Variants in NKAIN3 observed in about 807,000 individuals in gnomAD.
NKAIN3 encodes sodium/potassium transporting ATPase interacting 3.
In NKAIN3, 25 loss-of-function variants were observed where a neutral mutation model predicts 30.2. The ratio of observed to expected loss-of-function variants is 0.83; its 90% confidence interval spans 0.60 to 1.16. NKAIN3 has a LOEUF of 1.16. NKAIN3 is among the 50% of genes most tolerant of loss of function. NKAIN3 has a pLI of 0.00. For missense variants in NKAIN3, 225 were observed against 254.1 expected (o/e 0.89, Z 0.78); for synonymous variants, 91 against 89.6 (o/e 1.02, Z -0.09).
chr8:62,935,663 C>T (rs915887873), intron 5 of NKAIN3, among the ~76,000 whole-genome samples: 2 of 151,932 alleles, frequency 1.3e-5, no homozygotes, highest in African/African-American at 2.4e-5. Context: ...GAAAGAGAGA[C>T]GTTAGTCACT....
chr8:62,424,656 G>T (rs967035464), intron 1 of NKAIN3, among the ~76,000 whole-genome samples: 3 of 151,718 alleles, frequency 2.0e-5, no homozygotes, highest in African/African-American at 7.2e-5. Context: ...AACATAACAA[G>T]TATTTAAAAG....
intron 4 of NKAIN3, among the ~76,000 whole-genome samples, chr8:62,907,988 C>G (rs552471482): frequency 3.3e-5 from 5 of 152,280 alleles, no homozygotes; most frequent in Admixed American, 1.3e-4. Flanking sequence ...TACCATGGAC[C>G]TGGAAAAGCC....
At chr8:62,281,435 T>C (rs1325665335) in intron 1 of NKAIN3, among the ~76,000 whole-genome samples, 2 of 152,198 alleles carry the variant, frequency 1.3e-5, no homozygotes, top group East Asian at 3.8e-4. Flanking sequence ...ATGTGTTTGC[T>C]CTTGCTTCTC....
chr8:62,784,288 A>C (rs1817447376), intron 4 of NKAIN3, among the ~76,000 whole-genome samples: 2 of 152,110 alleles, frequency 1.3e-5, no homozygotes, highest in Admixed American at 1.3e-4. Flanking sequence ...GTAAAGCAAA[A>C]ACTAATAAAA....
intron 5 of NKAIN3, chr8:62,990,176 G>T: frequency 7.5e-7 from 1 of 1,335,382 alleles, no homozygotes; most frequent in Non-Finnish European, 1.1e-6. Flanking sequence ...AGATTCATGT[G>T]ATCTGCAAGT....
intron 1 of NKAIN3, among the ~76,000 whole-genome samples, chr8:62,391,863 T>C (rs1005470193): frequency 1.3e-5 from 2 of 151,748 alleles, no homozygotes; most frequent in African/African-American, 4.8e-5. Flanking sequence ...ATTTAGGAAA[T>C]ATACAGAGCA....
intron 4 of NKAIN3, among the ~76,000 whole-genome samples, chr8:62,821,963 C>A (rs1332055870): frequency 6.6e-6 from 1 of 151,284 alleles, no homozygotes; most frequent in Non-Finnish European, 1.5e-5. Context: ...GTTCCTATAG[C>A]CTTGCTACGG....
intron 2 of NKAIN3, among the ~76,000 whole-genome samples, chr8:62,580,220 T>C (rs909417587): frequency 3.9e-5 from 6 of 152,194 alleles, no homozygotes; most frequent in African/African-American, 1.4e-4. Context: ...ATTTCTCTGT[T>C]TGTCAAGATG....
intron 1 of NKAIN3, among the ~76,000 whole-genome samples, chr8:62,337,061 AGGGTGTCTCTGCAT>A (rs1351374432): frequency 1.3e-5 from 2 of 152,026 alleles, no homozygotes; most frequent in Non-Finnish European, 2.9e-5. Context: ...CGGTAGTTGC[AGGGTGTCTCTGCAT>A]GGTTTCTCCA....
At chr8:62,339,071 T>C (rs191333504) in intron 1 of NKAIN3, among the ~76,000 whole-genome samples, 1 of 152,026 alleles carries the variant, frequency 6.6e-6, no homozygotes, top group East Asian at 1.9e-4. Context: ...ATCTAAAGAA[T>C]AAGAAGGAGA....
intron 1 of NKAIN3, among the ~76,000 whole-genome samples, chr8:62,530,038 C>T (rs1808439266): frequency 6.6e-6 from 1 of 152,034 alleles, no homozygotes; most frequent in South Asian, 2.1e-4. Context: ...TGTACACACC[C>T]AATTCAAAAA....
intron 1 of NKAIN3, among the ~76,000 whole-genome samples, chr8:62,372,975 A>G (rs1225694258): frequency 6.6e-6 from 1 of 152,182 alleles, no homozygotes; most frequent in African/African-American, 2.4e-5. Flanking sequence ...AATTCTGCAA[A>G]GCAACTTTGC....
intron 1 of NKAIN3, among the ~76,000 whole-genome samples, chr8:62,522,467 TAAAAA>T (rs1007951640): frequency 1.3e-5 from 2 of 151,200 alleles, no homozygotes; most frequent in African/African-American, 2.4e-5. Context: ...CTCTAATTAT[TAAAAA>T]AAAAGTAAGT....
In NKAIN3 at chr8:62,972,880, A is replaced by G. The variant is rs4256586; in HGVS notation, c.*7473A>G. On this transcript the variant is annotated 3_prime_UTR_variant, in exon 7 of 7. Transcript: ENST00000623646. ...GTGATGTTCCCCTCCCTGTGCCCAT[A>G]TGTTCTCATTGTTCAACTCCCACTT... 0.076 allele frequency among the ~76,000 whole-genome samples: 10,860 copies of G among 142,722 alleles called. 501 individuals carry two copies. The highest frequency in any genetic ancestry group is 0.11 in the South Asian group (480 of 4,268). The allele number at this position is 142,722 out of a possible 152,430, so 93.6% of individuals were successfully genotyped here.
chr8:62,369,358 A>T (rs13251935), intron 1 of NKAIN3, among the ~76,000 whole-genome samples: 1 of 151,800 alleles, frequency 6.6e-6, no homozygotes, highest in Non-Finnish European at 1.5e-5. Flanking sequence ...TAACAGGTTT[A>T]ATATTTGTTT....
chr8:62,845,431 C>A lies in NKAIN3; in HGVS notation c.472-73022C>A, dbSNP rs1182174180. ...AGAGACTAGGGACTTCTTTAGCTCA[C>A]TTGTCGCCACCATCCCACAGGACCT... On this transcript the variant is annotated intron_variant, in intron 4 of 6. Coordinates refer to ENST00000623646, the MANE Select transcript of NKAIN3 (RefSeq NM_001304533.3). Among the ~76,000 whole-genome samples, 3 of 151,462 alleles carry A rather than the reference C, an allele frequency of 2.0e-5. No individual in the cohort carries two copies. The East Asian group carries it at 5.8e-4, about 29-fold the overall frequency.
chr8:62,500,979 A>T (rs1013671797), intron 1 of NKAIN3, among the ~76,000 whole-genome samples: 4 of 152,202 alleles, frequency 2.6e-5, no homozygotes, highest in African/African-American at 9.6e-5. Context: ...TCAGTTTCTC[A>T]AAAGAAAAAA....
At chr8:62,925,868 G>T (rs1223537590) in intron 5 of NKAIN3, among the ~76,000 whole-genome samples, 1 of 152,116 alleles carries the variant, frequency 6.6e-6, no homozygotes, top group Non-Finnish European at 1.5e-5. Flanking sequence ...AAAGTCTGAT[G>T]TATCAGCCTC....
chr8:62,272,966 A>T (rs1009857138), intron 1 of NKAIN3, among the ~76,000 whole-genome samples: 5 of 152,242 alleles, frequency 3.3e-5, no homozygotes, highest in African/African-American at 1.2e-4. Flanking sequence ...TAAGGGCCAG[A>T]TAGCAAATAC....
Sources: allele counts gnomAD v4.1 joint callset (sites outside exome capture counted in the v4.1 genomes callset), GRCh38; gene constraint gnomAD v4.1.1; transcripts MANE v1.5; gene names NCBI Gene and HGNC (gene_info 2026-07-23, HGNC 2026-07-21).